Variants in ADAM28 observed in about 807,000 individuals in gnomAD.
ADAM28 encodes ADAM metallopeptidase domain 28, also known as disintegrin and metalloproteinase domain-containing protein 28.
In ADAM28, 105 loss-of-function variants were observed where a neutral mutation model predicts 101.2. The ratio of observed to expected loss-of-function variants is 1.04; its 90% CI spans 0.89 to 1.22. ADAM28 has a LOEUF of 1.22. ADAM28 is among the 50% of genes most tolerant of loss of function. The probability of loss-of-function intolerance (pLI) is 0.00; values close to 1 mark genes in which losing one functional copy is unlikely to be tolerated. For synonymous variants in ADAM28, 322 were observed against 310.6 expected (o/e 1.04, Z -0.39); for missense variants, 1,028 against 945.4 (o/e 1.09, Z -1.15).
rs1816726403 is a variant in ADAM28 at position 24,356,952 on chromosome 8, A to G, written c.*2548A>G. ...AAATTTTAGTTGGTTGCAGTCAGAG[A>G]ATATGGAAAGGGTTATTATTATAAT... On this transcript the variant is annotated 3_prime_UTR_variant, in exon 23 of 23. Coordinates refer to ENST00000265769, the MANE Select transcript of ADAM28 (RefSeq NM_014265.6). 1 of 152,192 alleles carries G rather than the reference A, an allele frequency of 6.6e-6. No individual in the cohort carries two copies. Among genetic ancestry groups the G allele is most frequent in the Non-Finnish European group, 1.5e-5 (1 of 68,020 alleles). 9.4% of individuals were successfully genotyped at this position (152,192 alleles called of 1,614,324 possible).
intron 8 of ADAM28, among the ~76,000 whole-genome samples, chr8:24,323,352 G>C (rs1167023711): frequency 6.6e-6 from 1 of 151,830 alleles, no homozygotes; most frequent in Non-Finnish European, 1.5e-5. Context: ...AAACTATAGC[G>C]ACTACTTAGC....
At chr8:24,331,405 C>A in intron 12 of ADAM28, 78 bp downstream of exon 12, 1 of 1,369,750 alleles carries the variant, frequency 7.3e-7, no homozygotes, top group Non-Finnish European at 9.8e-7. Context: ...TAATGTGTGG[C>A]CCGCTATAAC....
intron 1 of ADAM28, chr8:24,299,735 T>C (rs1030997083): frequency 3.2e-5 from 10 of 317,346 alleles, no homozygotes; most frequent in African/African-American, 1.3e-4. Flanking sequence ...CAGTAACACC[T>C]GTAAACTTTT....
At position 24,320,284 on chromosome 8, in the gene ADAM28, T is replaced by C; in HGVS notation, c.625T>C (p.Tyr209His). The C allele has an allele frequency of 6.2e-7, 1 of 1,603,772 alleles. No individual in the cohort carries two copies. Among genetic ancestry groups the C allele is most frequent in the Non-Finnish European group, 8.5e-7 (1 of 1,172,430 alleles). Residue 209 changes from tyrosine to histidine, a missense_variant, in exon 7 of 23, where the codon TAT becomes CAT. Tyr to His is a moderately conservative substitution (Grantham distance 83, BLOSUM62 2). Transcript: ENST00000265769. ...VQEHEKYIEY[Y>H]LVLDNGEFKR... The stretch of plus-strand genomic sequence containing the variant: ...GGAACATGAGAAATACATAGAATAT[T>C]ATTTGGTCCTGGATAATGGTGAGGT...
chr8:24,328,465 A>C lies in ADAM28; in HGVS notation c.973-1520A>C, dbSNP rs183719732. Among the ~76,000 whole-genome samples the C allele has an allele frequency of 3.9e-3, 596 of 152,136 alleles. 4 individuals are homozygous for C. The highest frequency in any genetic ancestry group is 0.014 in the African/African-American group (573 of 41,520). The stretch of plus-strand genomic sequence containing the variant: ...ATAGGCTTCATGGATGTACAGAAGA[A>C]GTAAAATACATATTTTCAAACTTGA... On this transcript the variant is annotated intron_variant, in intron 10 of 22. Transcript: ENST00000265769.
rs1816553751 is a variant in ADAM28 at position 24,354,636 on chromosome 8, AGGAAGAT to A, written c.*234_*240del. 2.5e-6 allele frequency: 1 copy of A among 398,784 alleles called. No homozygotes were observed. Among genetic ancestry groups the A allele is most frequent in the African/African-American group, 2.1e-5 (1 of 47,516 alleles). 24.7% of individuals were successfully genotyped at this position (398,784 alleles called of 1,614,324 possible). A position where few individuals can be genotyped will look rare whatever the true frequency, so the allele number is the denominator to read the frequency against. ...ATTTCAATTATCCATTCTTATAAGA[AGGAAGAT>A]GATTGTAAAGAAATATCTCCGAAGT... On this transcript the variant is annotated 3_prime_UTR_variant, in exon 23 of 23. Transcript: ENST00000265769.
At chr8:24,335,732 C>A in intron 14 of ADAM28, 91 bp downstream of exon 14, 1 of 1,343,244 alleles carries the variant, frequency 7.4e-7, no homozygotes, top group Non-Finnish European at 9.6e-7. Flanking sequence ...CCATTCTGTC[C>A]TATCCTTCTT....
chr8:24,351,972 C>A lies in ADAM28; in HGVS notation c.2179-15C>A, dbSNP rs753246997. ...AACTAATGGTTCATTTTGAAATATT[C>A]GTTCTTCTTTTCAGATGAGTCAGAT... is the stretch of plus-strand genomic sequence containing the variant. On this transcript the variant is annotated splice_polypyrimidine_tract_variant and intron_variant, in intron 20 of 22. Transcript: ENST00000265769. 2 of 1,612,640 alleles carry A rather than the reference C, an allele frequency of 1.2e-6. No individual in the cohort carries two copies.
At chr8:24,353,662 T>A in intron 21 of ADAM28, 108 bp from the exon 22 acceptor site, 2 of 781,168 alleles carry the variant, frequency 2.6e-6, no homozygotes, top group South Asian at 3.5e-5. Flanking sequence ...AGAATTTAAA[T>A]GAGTGAAGAA....
At position 24,306,355 on chromosome 8, in the gene ADAM28, A is replaced by ATATATATATATATATATATATAT. The variant is rs1489348958; in HGVS notation, c.151-3539_151-3538insTATATATATATATATATATATAT. 4.5e-4 allele frequency among the ~76,000 whole-genome samples: 49 copies of ATATATATATATATATATATATAT among 107,750 alleles called. 2 individuals are homozygous for ATATATATATATATATATATATAT. Among genetic ancestry groups the ATATATATATATATATATATATAT allele is most frequent in the East Asian group, 1.5e-3 (4 of 2,624 alleles). 70.7% of individuals were successfully genotyped at this position (107,750 alleles called of 152,430 possible). The stretch of plus-strand genomic sequence containing the variant: ...TGAGACTCCATCTCAAATACAAATA[A>ATATATATATATATATATATATAT]ATAAATAAATATATATATATATATA... On this transcript the variant is annotated intron_variant, in intron 2 of 22. Coordinates refer to ENST00000265769, the MANE Select transcript of ADAM28 (RefSeq NM_014265.6).
At chr8:24,330,251 T>A in intron 11 of ADAM28, 136 bp downstream of exon 11, 1 of 1,004,324 alleles carries the variant, frequency 1.0e-6, no homozygotes, top group Non-Finnish European at 1.4e-6. Context: ...CCAAGCCACC[T>A]CATCTATGGG....
Position 24,332,726 on chromosome 8 carries a change from G to A in ADAM28, c.1348G>A (p.Gly450Arg). The change falls in exon 13 of 23, where the codon GGA (glycine) becomes AGA (arginine). Residue 450 changes from glycine to arginine, a missense_variant. Transcript: ENST00000265769. Reference protein sequence around the residue: ...KIKATFQCALGECCEKCQFKK... With the variant: ...KIKATFQCALRECCEKCQFKK... ...CAAAGCAACTTTTCAATGTGCATTA[G>A]GAGAATGTTGTGAAAAATGCCAAGT... is the stretch of plus-strand genomic sequence containing the variant. 1 of 1,482,798 alleles carries A rather than the reference G, an allele frequency of 6.7e-7. No individual in the cohort carries two copies. 91.9% of individuals were successfully genotyped at this position (1,482,798 alleles called of 1,614,324 possible).
chr8:24,329,957 G>C, intron 10 of ADAM28, 28 bp from the exon 11 acceptor site: 1 of 1,593,108 alleles, frequency 6.3e-7, no homozygotes, highest in Admixed American at 1.7e-5. Flanking sequence ...GAAAATCAGA[G>C]AATCTTTTTC....
rs1214731767 is a variant in ADAM28, at chr8:24,358,693, T to C, written c.*4289T>C. 1.3e-5 allele frequency: 2 copies of C among 152,208 alleles called. No individual in the cohort carries two copies. Among genetic ancestry groups the C allele is most frequent in the Non-Finnish European group, 2.9e-5 (2 of 68,040 alleles). 9.4% of individuals were successfully genotyped at this position (152,208 alleles called of 1,614,324 possible). A position where few individuals can be genotyped will look rare whatever the true frequency, so the allele number is the denominator to read the frequency against. ...GGTGGTCTGCTACAATGCCCAACAC[T>C]TAATACAGTATCACTATTACTGTTA... On this transcript the variant is annotated 3_prime_UTR_variant, in exon 23 of 23. Coordinates refer to ENST00000265769, the MANE Select transcript of ADAM28 (RefSeq NM_014265.6).
intron 10 of ADAM28, among the ~76,000 whole-genome samples, chr8:24,328,790 C>T (rs1044434370): frequency 7.2e-5 from 11 of 151,832 alleles, no homozygotes; most frequent in African/African-American, 7.3e-5. Context: ...ATTAGTTGGA[C>T]GTAGTGGCTG....
intron 15 of ADAM28, among the ~76,000 whole-genome samples, chr8:24,340,243 CAA>C (rs768042872): frequency 1.6e-4 from 25 of 152,258 alleles, no homozygotes; most frequent in Non-Finnish European, 3.2e-4. Context: ...TAATATATAA[CAA>C]GAGGTTGCAC....
intron 6 of ADAM28, among the ~76,000 whole-genome samples, chr8:24,317,077 C>T (rs971302308): frequency 4.0e-5 from 6 of 151,258 alleles, no homozygotes; most frequent in Non-Finnish European, 8.9e-5. Context: ...AATGAATATC[C>T]CATGCTCATG....
At position 24,354,782 on chromosome 8, in the gene ADAM28, G is replaced by T; in HGVS notation, c.*378G>T. 1 of 160,880 alleles carries T rather than the reference G, an allele frequency of 6.2e-6. No individual in the cohort carries two copies. Among genetic ancestry groups the T allele is most frequent in the Non-Finnish European group, 1.4e-5 (1 of 73,978 alleles). The allele number at this position is 160,880 out of a possible 1,614,324, so 10.0% of individuals were successfully genotyped here. ...ACATCCATTAAATGTACAATTGATT[G>T]CAACATCTTGATTGTTTTAACCATT... On this transcript the variant is annotated 3_prime_UTR_variant, in exon 23 of 23. Transcript: ENST00000265769.
intron 13 of ADAM28, 56 bp from the exon 14 acceptor site, chr8:24,335,390 A>AT: frequency 6.6e-7 from 1 of 1,504,834 alleles, no homozygotes; most frequent in Non-Finnish European, 8.9e-7. Context: ...AATTTGAGGT[A>AT]TTAGGGTAAA....
Sources: allele counts gnomAD v4.1 joint callset (sites outside exome capture counted in the v4.1 genomes callset), GRCh38; gene constraint gnomAD v4.1.1; transcripts MANE v1.5; gene names NCBI Gene and HGNC (gene_info 2026-07-23, HGNC 2026-07-21).